STRIP2: variants seen among roughly 807,000 people sequenced by gnomAD.
STRIP2 encodes striatin-interacting protein 2.
STRIP2 carries 84 observed loss-of-function variants against 107.1 expected under a neutral mutation model. The ratio of observed to expected loss-of-function variants is 0.78; its 90% CI spans 0.66 to 0.94. The LOEUF (loss-of-function observed/expected upper bound fraction) is 0.94, where lower values mean the gene tolerates loss of function less well. STRIP2 is among the 40% of genes least tolerant of loss of function. The pLI, the probability that STRIP2 is intolerant of heterozygous loss-of-function variation, is 0.00. For missense variants in STRIP2, 888 were observed against 1,034.2 expected (o/e 0.86, Z 1.94); for synonymous variants, 394 against 400.4 (o/e 0.98, Z 0.19).
intron 8 of STRIP2, 37 bp downstream of exon 8, chr7:129,455,408 G>A: frequency 6.3e-7 from 1 of 1,598,708 alleles, no homozygotes; most frequent in South Asian, 1.1e-5. Flanking sequence ...TATCAGATCA[G>A]CAATGCCCTA....
intron 14 of STRIP2, 65 bp from the exon 15 acceptor site, chr7:129,463,979 G>C (rs1330520472): frequency 1.4e-5 from 19 of 1,316,318 alleles, no homozygotes; most frequent in Non-Finnish European, 2.0e-5. Flanking sequence ...GTTAGGGTGT[G>C]GAAGAATCAC....
intron 13 of STRIP2, chr7:129,460,679 A>ACATT: frequency 2.9e-6 from 1 of 348,822 alleles, no homozygotes; most frequent in South Asian, 2.8e-5. Flanking sequence ...TGAGAAGGTG[A>ACATT]CATTTAAGCC....
chr7:129,460,455 C>T (rs1417233271), intron 13 of STRIP2, 83 bp downstream of exon 13: 2 of 1,113,994 alleles, frequency 1.8e-6, no homozygotes, highest in South Asian at 1.3e-5. Flanking sequence ...TGCATGCATT[C>T]ATTCAGCATA....
chr7:129,434,623 G>T (rs1431761595), intron 1 of STRIP2, 22 bp downstream of exon 1: 1 of 1,463,818 alleles, frequency 6.8e-7, no homozygotes. Context: ...GGAAAGCTTC[G>T]GCTGGGGCCC....
At chr7:129,451,260 G>A (rs960523746) in intron 3 of STRIP2, among the ~76,000 whole-genome samples, 1 of 152,160 alleles carries the variant, frequency 6.6e-6, no homozygotes, top group African/African-American at 2.4e-5. Flanking sequence ...TTTTATATTG[G>A]GCATGTAAGA....
chr7:129,472,918 C>T (rs774586993), intron 18 of STRIP2, among the ~76,000 whole-genome samples: 18 of 150,680 alleles, frequency 1.2e-4, no homozygotes, highest in Middle Eastern at 3.4e-3. Context: ...TTCTGAGTAG[C>T]GGGGACTACA....
chr7:129,441,193 A>G (rs1445184627), intron 2 of STRIP2, among the ~76,000 whole-genome samples: 1 of 152,178 alleles, frequency 6.6e-6, no homozygotes, highest in Non-Finnish European at 1.5e-5. Context: ...TTATTTCACA[A>G]TCATCAGAGT....
chr7:129,477,755 C>T (rs1360402865), intron 18 of STRIP2: 1 of 220,164 alleles, frequency 4.5e-6, no homozygotes, highest in Non-Finnish European at 9.2e-6. Flanking sequence ...AAAAACATGC[C>T]AACAATTGAT....
At chr7:129,476,039 GC>G (rs1218753047) in intron 18 of STRIP2, among the ~76,000 whole-genome samples, 1 of 151,942 alleles carries the variant, frequency 6.6e-6, no homozygotes, top group Non-Finnish European at 1.5e-5. Flanking sequence ...GGACAAAACC[GC>G]CATCGTCGTC....
At chr7:129,477,981 C>A in intron 18 of STRIP2, 2 of 508,674 alleles carry the variant, frequency 3.9e-6, no homozygotes, top group East Asian at 5.7e-5. Context: ...GGATTTGATC[C>A]CTTAATGAAT....
In STRIP2 at chr7:129,451,760, C is replaced by T; in HGVS notation, c.409+13C>T. The T allele has an allele frequency of 6.2e-7, 1 of 1,601,702 alleles. No individual in the cohort carries two copies. Among genetic ancestry groups the T allele is most frequent in the Non-Finnish European group, 8.5e-7 (1 of 1,176,782 alleles). ...TACCTGGCCCAAGGTGAGTGACCACCCTTGCTAGCTTTAGAGGGGTGGAGG... is the reference window on the plus strand; with the variant it reads ...TACCTGGCCCAAGGTGAGTGACCACTCTTGCTAGCTTTAGAGGGGTGGAGG... On this transcript the variant is annotated intron_variant, in intron 4 of 20. Transcript: ENST00000249344.
At chr7:129,484,009 G>A (rs1221948967) in intron 20 of STRIP2, among the ~76,000 whole-genome samples, 1 of 152,180 alleles carries the variant, frequency 6.6e-6, no homozygotes, top group Non-Finnish European at 1.5e-5. Flanking sequence ...GCCTCCCAAA[G>A]TGCTGGGATT....
At chr7:129,465,589 C>T (rs1562910076) in intron 16 of STRIP2, among the ~76,000 whole-genome samples, 1 of 152,158 alleles carries the variant, frequency 6.6e-6, no homozygotes, top group Non-Finnish European at 1.5e-5. Context: ...TTAAGTTTGT[C>T]TAGGCCCTCA....
intron 3 of STRIP2, among the ~76,000 whole-genome samples, chr7:129,445,896 A>T (rs1322531972): frequency 1.3e-5 from 2 of 152,150 alleles, no homozygotes; most frequent in Admixed American, 1.3e-4. Flanking sequence ...GCAAACCCTT[A>T]TCTGGAGTAA....
At chr7:129,469,444 A>G (rs939105130) in intron 17 of STRIP2, among the ~76,000 whole-genome samples, 2 of 152,228 alleles carry the variant, frequency 1.3e-5, no homozygotes, top group East Asian at 1.9e-4. Context: ...GAACAAATCT[A>G]TCTTTGATTT....
intron 14 of STRIP2, among the ~76,000 whole-genome samples, chr7:129,463,244 A>G (rs1334056855): frequency 1.3e-5 from 2 of 152,102 alleles, no homozygotes; most frequent in African/African-American, 4.8e-5. Flanking sequence ...TTCTTTGGGA[A>G]GGGTGGGGAA....
chr7:129,456,717 G>A, intron 9 of STRIP2, 75 bp downstream of exon 9: 2 of 1,401,140 alleles, frequency 1.4e-6, no homozygotes, highest in South Asian at 1.3e-5. Flanking sequence ...CTCTGGGTGT[G>A]GTAGGAAAAA....
chr7:129,453,292 C>T lies in STRIP2; in HGVS notation c.475C>T (p.Leu159=), dbSNP rs1482739982. Residue 159 remains leucine (L), a synonymous_variant, in exon 5 of 21, where the codon CTG becomes TTG. Transcript: ENST00000249344. ...LHWSRYNCFL[L]YQMGTFSTFL... ...CTGGTCCAGGTACAACTGCTTCCTG[C>T]TGTATCAGATGGGGACCTTCTCCAC... 6.2e-7 allele frequency: 1 copy of T among 1,614,136 alleles called. No individual in the cohort carries two copies. The highest frequency in any genetic ancestry group is 1.7e-5 in the Admixed American group (1 of 60,024).
At chr7:129,459,022 AT>A (rs1381330981) in intron 11 of STRIP2, among the ~76,000 whole-genome samples, 2 of 152,172 alleles carry the variant, frequency 1.3e-5, no homozygotes, top group African/African-American at 4.8e-5. Context: ...GCAACAAGTC[AT>A]TTCTCTTTCG....
Sources: allele counts gnomAD v4.1 joint callset (sites outside exome capture counted in the v4.1 genomes callset), GRCh38; gene constraint gnomAD v4.1.1; transcripts MANE v1.5; gene names NCBI Gene and HGNC (gene_info 2026-07-23, HGNC 2026-07-21).